Variants in DLG2 observed in about 807,000 individuals in gnomAD.
DLG2 encodes discs large MAGUK scaffold protein 2.
Under a neutral mutation model 132.5 loss-of-function variants are expected in DLG2, and 45 were observed. That is an observed-to-expected ratio of 0.34 (90% CI 0.27 to 0.44). The LOEUF (loss-of-function observed/expected upper bound fraction) is 0.44, where lower values mean the gene tolerates loss of function less well. Among genes scored for constraint, DLG2 ranks in the 20% least tolerant of loss-of-function variants. The pLI is 1.00. For synonymous variants in DLG2, 424 were observed against 419.6 expected (o/e 1.01, Z -0.13); for missense variants, 1,045 against 1,196.9 (o/e 0.87, Z 1.87).
chr11:83,846,954 A>C (rs1356762296), intron 16 of DLG2, among the ~76,000 whole-genome samples: 8 of 151,632 alleles, frequency 5.3e-5, no homozygotes, highest in Non-Finnish European at 1.2e-4. Flanking sequence ...AAAAAAAAAA[A>C]AAAAAAGGAT....
intron 3 of DLG2, chr11:85,469,462 C>T (rs1205053553): frequency 6.6e-6 from 1 of 152,226 alleles, no homozygotes; most frequent in East Asian, 1.9e-4. Flanking sequence ...GAACATCAAA[C>T]TCCAGCCATT....
chr11:85,242,232 C>G (rs939666501), intron 4 of DLG2, among the ~76,000 whole-genome samples: 3 of 151,910 alleles, frequency 2.0e-5, no homozygotes, highest in African/African-American at 7.2e-5. Context: ...CTTCTTGCAT[C>G]CAGTGTTACT....
chr11:85,014,821 T>C (rs1319275357), intron 6 of DLG2, among the ~76,000 whole-genome samples: 1 of 152,184 alleles, frequency 6.6e-6, no homozygotes, highest in East Asian at 1.9e-4. Context: ...CTTATGCCTC[T>C]GGAGAAAATC....
At chr11:84,786,672 A>G (rs2072949630) in intron 6 of DLG2, among the ~76,000 whole-genome samples, 1 of 152,150 alleles carries the variant, frequency 6.6e-6, no homozygotes. Context: ...GCCATAACCA[A>G]TCTCTTCTGA....
chr11:84,366,153 A>G (rs1173206125), intron 7 of DLG2, among the ~76,000 whole-genome samples: 1 of 152,098 alleles, frequency 6.6e-6, no homozygotes, highest in African/African-American at 2.4e-5. Flanking sequence ...AGTGGGGGCC[A>G]ATATTCAACA....
chr11:84,434,133 AAAG>A (rs1402740897), intron 7 of DLG2, among the ~76,000 whole-genome samples: 53 of 152,036 alleles, frequency 3.5e-4, no homozygotes, highest in Non-Finnish European at 6.0e-4. Context: ...AAAAAAAAAA[AAAG>A]AATAATAGGT....
At chr11:85,123,855 C>T (rs1212814518) in intron 5 of DLG2, among the ~76,000 whole-genome samples, 1 of 152,154 alleles carries the variant, frequency 6.6e-6, no homozygotes, top group Non-Finnish European at 1.5e-5. Context: ...GAATCTGGTA[C>T]TATCTTTGAA....
chr11:83,846,819 G>C (rs1314659931), intron 16 of DLG2, among the ~76,000 whole-genome samples: 1 of 151,578 alleles, frequency 6.6e-6, no homozygotes, highest in Non-Finnish European at 1.5e-5. Context: ...TAATAACCAA[G>C]TTCCACCTCA....
At chr11:85,210,949 T>TC (rs963305440) in intron 4 of DLG2, among the ~76,000 whole-genome samples, 8 of 152,122 alleles carry the variant, frequency 5.3e-5, no homozygotes, top group South Asian at 2.1e-4. Context: ...CACAGGTATC[T>TC]CCCCCTTTAA....
intron 7 of DLG2, among the ~76,000 whole-genome samples, chr11:84,296,515 T>C (rs2098090695): frequency 6.6e-6 from 1 of 152,286 alleles, no homozygotes. Flanking sequence ...CACGGCTCAC[T>C]GCAGCCTCAA....
chr11:84,047,111 AGG>A (rs2096256941), intron 11 of DLG2, among the ~76,000 whole-genome samples: 1 of 151,646 alleles, frequency 6.6e-6, no homozygotes, highest in Non-Finnish European at 1.5e-5. Context: ...CAGTCAGCAG[AGG>A]AGGACTGCAT....
At chr11:85,132,699 T>C (rs989609431) in intron 5 of DLG2, 2 of 456,556 alleles carry the variant, frequency 4.4e-6, no homozygotes, top group Non-Finnish European at 8.8e-6. Flanking sequence ...ACTAGAACTG[T>C]TTAATTACGG....
chr11:84,722,193 T>C (rs772750672), intron 6 of DLG2, among the ~76,000 whole-genome samples: 1 of 152,206 alleles, frequency 6.6e-6, no homozygotes, highest in Non-Finnish European at 1.5e-5. Flanking sequence ...TTTACATGAA[T>C]GTGGTAATTC....
intron 19 of DLG2, among the ~76,000 whole-genome samples, chr11:83,610,120 C>T (rs533782310): frequency 6.6e-6 from 1 of 152,130 alleles, no homozygotes; most frequent in Non-Finnish European, 1.5e-5. Flanking sequence ...ATATTTACTA[C>T]AAATACTAGG....
chr11:85,084,514 G>A (rs942959965), intron 6 of DLG2, among the ~76,000 whole-genome samples: 3 of 152,050 alleles, frequency 2.0e-5, no homozygotes, highest in African/African-American at 7.2e-5. Flanking sequence ...ACATAAGCTA[G>A]AAATATAAAG....
Position 84,541,157 on chromosome 11 carries a change from T to C in DLG2, c.358-6426A>G, listed in dbSNP as rs554289651. On this transcript the variant is annotated intron_variant, in intron 6 of 27. Coordinates refer to ENST00000376104, the MANE Select transcript of DLG2 (RefSeq NM_001142699.3). ...TATACATATGTAACAAACCTGCATG[T>C]TGTGCACATGTACCCTAGAACTTGA... Among the ~76,000 whole-genome samples, 64 of 151,764 alleles carry C rather than the reference T, an allele frequency of 4.2e-4. No individual in the cohort carries two copies. In the Middle Eastern group the frequency reaches 0.01, roughly 25 times the overall value.
At chr11:84,208,923 T>C (rs1246587218) in intron 8 of DLG2, among the ~76,000 whole-genome samples, 4 of 152,290 alleles carry the variant, frequency 2.6e-5, no homozygotes, top group Non-Finnish European at 5.9e-5. Context: ...AAGGTTAGAA[T>C]AGAACTGGAG....
chr11:84,121,263 G>A (rs1440693149), intron 9 of DLG2, among the ~76,000 whole-genome samples: 1 of 152,034 alleles, frequency 6.6e-6, no homozygotes, highest in Non-Finnish European at 1.5e-5. Flanking sequence ...CTATAAAATG[G>A]GGTTAGTAAT....
rs201458752 is a variant in DLG2 at position 84,328,291 on chromosome 11, AGAAG to A, written c.520-77004_520-77001del. 7.3e-3 allele frequency among the ~76,000 whole-genome samples: 1,107 copies of A among 151,800 alleles called. 3 individuals are homozygous for A. Among genetic ancestry groups the A allele is most frequent in the Non-Finnish European group, 0.012 (785 of 67,838 alleles). On this transcript the variant is annotated intron_variant, in intron 7 of 27. Transcript: ENST00000376104. ...GAAGGAAGGAAGTTGGAAGGAAGCTAGAAGGAAGGAAGGAAGGAAGGGTGGGCAA... is the reference window on the plus strand; with the variant it reads ...GAAGGAAGGAAGTTGGAAGGAAGCTAGAAGGAAGGAAGGAAGGGTGGGCAA...
Sources: gnomAD v4.1 joint callset for allele counts (sites outside exome capture counted in the v4.1 genomes callset) on GRCh38, gnomAD v4.1.1 for gene constraint, MANE v1.5 for transcripts, NCBI Gene and HGNC (gene_info 2026-07-23, HGNC 2026-07-21) for gene names.